Variants in NCOA7 observed in about 807,000 individuals in gnomAD.
The protein encoded by NCOA7 is 140 kDa estrogen receptor-associated protein.
NCOA7 carries 45 observed loss-of-function variants against 104.3 expected under a neutral mutation model. The observed-to-expected ratio is 0.43, with a 90% CI of 0.34 to 0.55. The LOEUF (loss-of-function observed/expected upper bound fraction) is 0.55. NCOA7 is among the 20% of genes least tolerant of loss of function. The pLI, the probability that NCOA7 is intolerant of heterozygous loss-of-function variation, is 0.02. For missense variants in NCOA7, 1,041 were observed against 1,119.7 expected, an observed-to-expected ratio of 0.93 and a Z score of 1.00; for synonymous variants, 398 against 402.3, an observed-to-expected ratio of 0.99 and a Z score of 0.13.
intron 10 of NCOA7, among the ~76,000 whole-genome samples, chr6:125,910,600 C>T (rs1336085315): frequency 1.3e-5 from 2 of 152,142 alleles, no homozygotes; most frequent in Non-Finnish European, 2.9e-5. Context: ...AGAGAGATAG[C>T]TGGTGGGAGG....
Position 125,878,382 on chromosome 6 carries a change from C to A in NCOA7, c.459+12C>A. 6.4e-7 allele frequency: 1 copy of A among 1,561,544 alleles called. No homozygotes were observed. Among genetic ancestry groups the A allele is most frequent in the Non-Finnish European group, 8.8e-7 (1 of 1,141,046 alleles). On this transcript the variant is annotated intron_variant, in intron 5 of 15. Transcript: ENST00000392477. ...TTGTTCCAGGCCAGGTAATTATACTCTTACTGGATATAACTCTAGAAATTC... is the reference window on the plus strand; with the variant it reads ...TTGTTCCAGGCCAGGTAATTATACTATTACTGGATATAACTCTAGAAATTC...
chr6:125,790,165 G>A (rs1044961252), upstream of NCOA7, among the ~76,000 whole-genome samples: 1 of 152,150 alleles, frequency 6.6e-6, no homozygotes, highest in Non-Finnish European at 1.5e-5. Context: ...GGGGGAAGGA[G>A]ATGGTGGGCC....
In NCOA7 at chr6:125,882,485, T is replaced by C; in HGVS notation, c.633T>C (p.Ser211=). The part of the protein sequence containing the change: ...KPIERVLSST[S]EEDEPGVVKF... ...TTGAAAGAGTCTTATCGTCTACTTC[T>C]GAAGAAGATGAGCCAGGTGTGGTGA... The change falls in exon 7 of 16, where the codon TCT becomes TCC. Residue 211 remains serine (S), a synonymous_variant. Transcript: ENST00000392477. The C allele has an allele frequency of 6.2e-7, 1 of 1,613,832 alleles. No homozygotes were observed. Among genetic ancestry groups the C allele is most frequent in the East Asian group, 2.2e-5 (1 of 44,812 alleles).
chr6:125,850,028 G>T (rs184200615), intron 2 of NCOA7, among the ~76,000 whole-genome samples: 1 of 152,038 alleles, frequency 6.6e-6, no homozygotes, highest in Non-Finnish European at 1.5e-5. Flanking sequence ...TAGCAAATCC[G>T]TATTGTGAGA....
intron 1 of NCOA7, among the ~76,000 whole-genome samples, chr6:125,782,490 T>C (rs916501224): frequency 6.6e-6 from 1 of 152,202 alleles, no homozygotes; most frequent in Non-Finnish European, 1.5e-5. Flanking sequence ...ATAATCTCAT[T>C]TATAGTTTTT....
chr6:125,871,836 A>G lies in NCOA7; in HGVS notation c.272-3053A>G, dbSNP rs900697687. ...CATGGTGAAACCCTGTCTCTACAAAAAAATGCAAAAATTAATCTGGTGTGG... is the reference window on the plus strand; with the variant it reads ...CATGGTGAAACCCTGTCTCTACAAAGAAATGCAAAAATTAATCTGGTGTGG... On this transcript the variant is annotated intron_variant, in intron 3 of 15. Transcript: ENST00000392477. Among the ~76,000 whole-genome samples, 79 of 152,240 alleles carry G rather than the reference A, an allele frequency of 5.2e-4. 1 individual carries two copies. Among genetic ancestry groups the G allele is most frequent in the African/African-American group, 1.6e-3 (67 of 41,534 alleles).
At chr6:125,843,914 C>T (rs1042423458) in intron 2 of NCOA7, among the ~76,000 whole-genome samples, 25 of 152,320 alleles carry the variant, frequency 1.6e-4, no homozygotes, top group African/African-American at 6.0e-4. Context: ...ACATTCTACA[C>T]AGTGTGCATC....
chr6:125,849,008 C>T (rs771181815), intron 2 of NCOA7, among the ~76,000 whole-genome samples: 77 of 152,206 alleles, frequency 5.1e-4, no homozygotes, highest in Middle Eastern at 3.4e-3. Flanking sequence ...CAGCATATCT[C>T]AGAACATGGG....
chr6:125,805,116 G>C (rs1319498646), intron 1 of NCOA7, among the ~76,000 whole-genome samples: 1 of 7,508 alleles, frequency 1.3e-4, no homozygotes, highest in Non-Finnish European at 3.3e-4. Context: ...TTTTTTTTTT[G>C]ACAGAGTCTC....
At chr6:125,905,956 C>T (rs1159581163) in intron 10 of NCOA7, among the ~76,000 whole-genome samples, 2 of 152,032 alleles carry the variant, frequency 1.3e-5, no homozygotes. Flanking sequence ...GTGTGCACCA[C>T]TACACCTGGC....
rs755904508 is a variant in NCOA7, at chr6:125,855,072, G to T, written c.103G>T (p.Ala35Ser). 1.1e-5 allele frequency: 17 copies of T among 1,613,072 alleles called. No individual in the cohort carries two copies. The Admixed American group carries it at 2.7e-4, about 25-fold the overall frequency. ...AAATGCAGAGACAGCCTCAGCTGTA[G>T]CTACAAGGACTCATACTGGGAAGGA... is the stretch of plus-strand genomic sequence containing the variant. The part of the protein sequence containing the change: ...KQNAETASAV[A>S]TRTHTGKEDN... The change falls in exon 3 of 16, where the codon GCT becomes TCT. Residue 35 changes from alanine to serine, a missense_variant. Physicochemically the swap from Ala to Ser is moderately conservative, Grantham distance 99 (BLOSUM62 1). This residue lies in a region of NCOA7 where 914 missense variants were observed against 942.7 expected (regional missense o/e 0.97). Coordinates refer to ENST00000392477, the MANE Select transcript of NCOA7 (RefSeq NM_181782.5).
chr6:125,891,270 G>T (rs1007595186), intron 10 of NCOA7, among the ~76,000 whole-genome samples: 3 of 152,188 alleles, frequency 2.0e-5, no homozygotes, highest in Non-Finnish European at 4.4e-5. Context: ...CATAAGAAAT[G>T]TGATCCCCTG....
intron 10 of NCOA7, among the ~76,000 whole-genome samples, chr6:125,895,616 A>G (rs1583484858): frequency 6.6e-6 from 1 of 152,198 alleles, no homozygotes; most frequent in South Asian, 2.1e-4. Context: ...ACTGGCACAC[A>G]GTTCTGCAGG....
intron 1 of NCOA7, among the ~76,000 whole-genome samples, chr6:125,794,117 G>T (rs1035390952): frequency 2.6e-5 from 4 of 152,124 alleles, no homozygotes; most frequent in Admixed American, 6.6e-5. Flanking sequence ...CACACTGAGG[G>T]ATTTTATTAA....
chr6:125,861,289 G>A (rs1040241606), intron 3 of NCOA7, among the ~76,000 whole-genome samples: 2 of 151,750 alleles, frequency 1.3e-5, no homozygotes, highest in Non-Finnish European at 2.9e-5. Flanking sequence ...TTTTCTTAAT[G>A]TTTTTTTTCC....
At chr6:125,901,489 G>T (rs1785494725) in intron 10 of NCOA7, among the ~76,000 whole-genome samples, 1 of 152,182 alleles carries the variant, frequency 6.6e-6, no homozygotes, top group Non-Finnish European at 1.5e-5. Context: ...CTCAGCTGCT[G>T]CACTGAAACC....
At position 125,930,843 on chromosome 6, in the gene NCOA7, C is replaced by G. The variant is rs1483819504; in HGVS notation, c.*2072C>G. On this transcript the variant is annotated 3_prime_UTR_variant, in exon 16 of 16. Coordinates refer to ENST00000392477, the MANE Select transcript of NCOA7 (RefSeq NM_181782.5). ...TTGGTGTGAGATATCAGGAATGTCTCATGATATCACGTTTACCATTTACAC... is the reference window on the plus strand; with the variant it reads ...TTGGTGTGAGATATCAGGAATGTCTGATGATATCACGTTTACCATTTACAC... The G allele has an allele frequency of 6.6e-6, 1 of 152,500 alleles. No individual in the cohort carries two copies. Among genetic ancestry groups the G allele is most frequent in the African/African-American group, 2.4e-5 (1 of 41,444 alleles). The allele number at this position is 152,500 out of a possible 1,614,324, so 9.4% of individuals were successfully genotyped here.
chr6:125,821,202 T>A (rs1778145106), intron 2 of NCOA7, among the ~76,000 whole-genome samples: 1 of 152,154 alleles, frequency 6.6e-6, no homozygotes, highest in African/African-American at 2.4e-5. Context: ...TCTGCATGCC[T>A]TGATATGAAA....
intron 10 of NCOA7, among the ~76,000 whole-genome samples, chr6:125,893,346 T>C (rs1289529313): frequency 6.6e-6 from 1 of 152,240 alleles, no homozygotes; most frequent in African/African-American, 2.4e-5. Flanking sequence ...TTATCCACTA[T>C]GTTAAAAATT....
Sources: allele counts gnomAD v4.1 joint callset (sites outside exome capture counted in the v4.1 genomes callset), GRCh38; gene constraint gnomAD v4.1.1; regional missense constraint gnomAD v4.1.1; transcripts MANE v1.5; gene names NCBI Gene and HGNC (gene_info 2026-07-23, HGNC 2026-07-21).